Variants in MRPS28 observed in about 807,000 individuals in gnomAD.
MRPS28 encodes the protein mitochondrial ribosomal protein S28.
A neutral mutation model predicts 10.8 loss-of-function variants in MRPS28; 7 were observed. The ratio of observed to expected loss-of-function variants is 0.65; its 90% CI spans 0.37 to 1.22. The LOEUF is 1.22. MRPS28 is among the 50% of genes most tolerant of loss of function. The pLI is 0.02. For synonymous variants in MRPS28, 121 were observed against 93.3 expected, an observed-to-expected ratio of 1.30 and a Z score of -1.71; for missense variants, 265 against 232.9, an observed-to-expected ratio of 1.14 and a Z score of -0.90.
chr8:79,925,179 TGA>T (rs1411877160), intron 2 of MRPS28, among the ~76,000 whole-genome samples: 1 of 151,916 alleles, frequency 6.6e-6, no homozygotes, highest in Admixed American at 6.6e-5. Context: ...AGATGTAAAT[TGA>T]GATATAAAAA....
chr8:79,963,563 G>A (rs1335173731), intron 2 of MRPS28, among the ~76,000 whole-genome samples: 1 of 152,038 alleles, frequency 6.6e-6, no homozygotes, highest in African/African-American at 2.4e-5. Context: ...TTCGACCCTG[G>A]GAACATAGCA....
intron 2 of MRPS28, among the ~76,000 whole-genome samples, chr8:79,977,389 T>G (rs1009276351): frequency 2.0e-5 from 3 of 152,226 alleles, no homozygotes; most frequent in African/African-American, 7.2e-5. Flanking sequence ...GCTTGATCAC[T>G]GAAAAATATC....
chr8:79,949,305 T>G (rs1807015363), intron 2 of MRPS28, among the ~76,000 whole-genome samples: 1 of 151,836 alleles, frequency 6.6e-6, no homozygotes, highest in Admixed American at 6.6e-5. Context: ...TCCCAGGTAC[T>G]TGGGAGGCTA....
intron 2 of MRPS28, among the ~76,000 whole-genome samples, chr8:79,966,767 C>G (rs952983186): frequency 2.0e-5 from 3 of 152,076 alleles, no homozygotes; most frequent in Non-Finnish European, 4.4e-5. Context: ...ATAGAATACT[C>G]AATTAGCACA....
intron 2 of MRPS28, chr8:79,958,038 A>G (rs1807274267): frequency 1.0e-5 from 2 of 197,898 alleles, no homozygotes; most frequent in African/African-American, 4.6e-5. Context: ...CATAAAATCT[A>G]CCCAAAGTGT....
At chr8:80,027,171 G>A (rs888944082) in intron 1 of MRPS28, among the ~76,000 whole-genome samples, 1 of 152,198 alleles carries the variant, frequency 6.6e-6, no homozygotes, top group Non-Finnish European at 1.5e-5. Context: ...TCTCAGGAAG[G>A]CAGAAGGCTG....
At chr8:79,999,519 C>A (rs1432207533) in intron 2 of MRPS28, among the ~76,000 whole-genome samples, 2 of 152,140 alleles carry the variant, frequency 1.3e-5, no homozygotes, top group Non-Finnish European at 2.9e-5. Context: ...TGGAAAGAAC[C>A]TAGGCATTTC....
intron 2 of MRPS28, among the ~76,000 whole-genome samples, chr8:79,939,016 A>G (rs959678283): frequency 1.3e-5 from 2 of 152,216 alleles, no homozygotes; most frequent in African/African-American, 2.4e-5. Flanking sequence ...TCTAGTTTCT[A>G]TCAATATGCA....
intron 1 of MRPS28, among the ~76,000 whole-genome samples, chr8:80,005,439 G>C (rs997868537): frequency 6.6e-6 from 1 of 152,160 alleles, no homozygotes; most frequent in African/African-American, 2.4e-5. Flanking sequence ...CAAATGCTGA[G>C]AGATTTTGTC....
intron 2 of MRPS28, among the ~76,000 whole-genome samples, chr8:79,920,464 C>T (rs1170738651): frequency 6.6e-6 from 1 of 152,168 alleles, no homozygotes; most frequent in Non-Finnish European, 1.5e-5. Context: ...TGTTTCCTGA[C>T]TTTTTAATGA....
intron 2 of MRPS28, among the ~76,000 whole-genome samples, chr8:79,971,763 T>C (rs527630487): frequency 6.6e-6 from 1 of 152,318 alleles, no homozygotes; most frequent in African/African-American, 2.4e-5. Context: ...AGTGGTGCGA[T>C]CTCAGCTCAC....
At chr8:79,965,675 CAT>C (rs1249333569) in intron 2 of MRPS28, among the ~76,000 whole-genome samples, 1 of 151,932 alleles carries the variant, frequency 6.6e-6, no homozygotes, top group Non-Finnish European at 1.5e-5. Flanking sequence ...TTTTATCTTA[CAT>C]GTTAATTATA....
At chr8:79,930,532 G>A (rs564561562) in intron 2 of MRPS28, among the ~76,000 whole-genome samples, 1 of 152,328 alleles carries the variant, frequency 6.6e-6, no homozygotes, top group African/African-American at 2.4e-5. Context: ...GGACAAGTCT[G>A]CATTCCACCA....
intron 2 of MRPS28, among the ~76,000 whole-genome samples, chr8:79,947,971 T>C (rs1806968978): frequency 6.7e-6 from 1 of 149,106 alleles, no homozygotes; most frequent in African/African-American, 2.5e-5. Flanking sequence ...ATATATAGTG[T>C]TAAATTTTTC....
At position 79,977,716 on chromosome 8, in the gene MRPS28, C is replaced by T. The variant is rs370879981; in HGVS notation, c.395+25283G>A. 2.8e-4 allele frequency among the ~76,000 whole-genome samples: 42 copies of T among 152,020 alleles called. No homozygotes were observed. The East Asian group carries it at 4.8e-3, about 17-fold the overall frequency. On this transcript the variant is annotated intron_variant, in intron 2 of 2. Coordinates refer to ENST00000276585, the MANE Select transcript of MRPS28 (RefSeq NM_014018.3). The stretch of plus-strand genomic sequence containing the variant: ...CCTACAGTTCCAACTACTTGGGGGA[C>T]TGAGGTGGGAGGATTGCTTGAACCC...
At chr8:80,023,947 G>A (rs1196351843) in intron 1 of MRPS28, among the ~76,000 whole-genome samples, 2 of 152,270 alleles carry the variant, frequency 1.3e-5, no homozygotes, top group East Asian at 1.9e-4. Flanking sequence ...TGAATGGGAC[G>A]GCCTGGTGTG....
intron 1 of MRPS28, among the ~76,000 whole-genome samples, chr8:80,024,768 G>A (rs915199148): frequency 3.3e-5 from 5 of 152,180 alleles, no homozygotes; most frequent in Non-Finnish European, 1.5e-5. Flanking sequence ...ATTATGCAAA[G>A]GATGAAGAGG....
chr8:80,019,822 C>A (rs1389026199), intron 1 of MRPS28, among the ~76,000 whole-genome samples: 1 of 152,026 alleles, frequency 6.6e-6, no homozygotes, highest in Non-Finnish European at 1.5e-5. Flanking sequence ...AACTATGTGG[C>A]CAAAGTATTG....
chr8:79,940,056 T>C (rs1260739558), intron 2 of MRPS28, among the ~76,000 whole-genome samples: 1 of 152,160 alleles, frequency 6.6e-6, no homozygotes, highest in African/African-American at 2.4e-5. Context: ...TTTCTTCATT[T>C]TTCACATTTG....
Sources: allele counts gnomAD v4.1 joint callset (sites outside exome capture counted in the v4.1 genomes callset), GRCh38; gene constraint gnomAD v4.1.1; transcripts MANE v1.5; gene names NCBI Gene and HGNC (gene_info 2026-07-23, HGNC 2026-07-21).